Variants in RASSF2 observed in about 807,000 individuals in gnomAD.
RASSF2 encodes Ras association domain family member 2, also known as ras association domain-containing protein 2.
A neutral mutation model predicts 46.3 loss-of-function variants in RASSF2; 34 were observed. The ratio of observed to expected loss-of-function variants is 0.73; its 90% CI spans 0.56 to 0.98. The LOEUF (loss-of-function observed/expected upper bound fraction) is 0.98. Ranked by LOEUF, RASSF2 falls within the 50% of genes least tolerant of loss-of-function variation. RASSF2 has a pLI of 0.00. For synonymous variants in RASSF2, 158 were observed against 162.5 expected, an observed-to-expected ratio of 0.97 and a Z score of 0.21; for missense variants, 364 against 431.2, an observed-to-expected ratio of 0.84 and a Z score of 1.38.
chr20:4,815,290 G>A (rs111441096), intron 2 of RASSF2, among the ~76,000 whole-genome samples: 3,070 of 152,192 alleles, frequency 0.02, 92 homozygotes, highest in African/African-American at 0.069. Context: ...CCATGGCCCC[G>A]ACTGTACACA....
At position 4,792,873 on chromosome 20, in the gene RASSF2, T is replaced by C. The variant is rs1268823209; in HGVS notation, c.288-246A>G. ...GAGTTCCGGAGGGAGAAGATGTTCT[T>C]TTGCAGCAACTGCAGTAACACACCC... is the stretch of plus-strand genomic sequence containing the variant. On this transcript the variant is annotated intron_variant, in intron 5 of 11. Coordinates refer to ENST00000379400, the MANE Select transcript of RASSF2 (RefSeq NM_014737.3). 8 of 689,954 alleles carry C rather than the reference T, an allele frequency of 1.2e-5. No homozygotes were observed. In the Admixed American group the frequency reaches 2.8e-4, roughly 24 times the overall value. The allele number at this position is 689,954 out of a possible 1,614,324, so 42.7% of individuals were successfully genotyped here. A position where few individuals can be genotyped will look rare whatever the true frequency, so the allele number is the denominator to read the frequency against.
In RASSF2 at chr20:4,784,017, TAC is replaced by T. The variant is rs2122383619; in HGVS notation, c.*254_*255del. On this transcript the variant is annotated 3_prime_UTR_variant, in exon 12 of 12. Transcript: ENST00000379400. ...CACGTACCATGTGTGCACACACATG[TAC>T]ACACACACATTTTGGGTCCTCCTTA... is the stretch of plus-strand genomic sequence containing the variant. The T allele has an allele frequency of 2.6e-5, 14 of 535,952 alleles. No individual in the cohort carries two copies. The highest frequency in any genetic ancestry group is 9.5e-5 in the East Asian group (3 of 31,514). 33.2% of individuals were successfully genotyped at this position (535,952 alleles called of 1,614,324 possible). A position where few individuals can be genotyped will look rare whatever the true frequency, so the allele number is the denominator to read the frequency against.
intron 2 of RASSF2, among the ~76,000 whole-genome samples, chr20:4,803,627 C>T (rs1443266765): frequency 3.3e-5 from 5 of 151,550 alleles, no homozygotes; most frequent in Non-Finnish European, 7.4e-5. Context: ...TGTGGTGGCA[C>T]GCACAGGTAG....
At chr20:4,796,814 A>G (rs577337045) in intron 4 of RASSF2, among the ~76,000 whole-genome samples, 172 of 152,386 alleles carry the variant, frequency 1.1e-3, no homozygotes, top group African/African-American at 4.0e-3. Flanking sequence ...AAAATCTTGC[A>G]TGGCCCAGCT....
intron 2 of RASSF2, among the ~76,000 whole-genome samples, chr20:4,810,256 C>T (rs1015466134): frequency 1.3e-5 from 2 of 152,164 alleles, no homozygotes; most frequent in East Asian, 1.9e-4. Flanking sequence ...CCCTTCCTTC[C>T]CACAGATGCC....
chr20:4,820,214 A>C (rs988236719), intron 2 of RASSF2, among the ~76,000 whole-genome samples: 5 of 152,176 alleles, frequency 3.3e-5, no homozygotes, highest in Admixed American at 1.3e-4. Flanking sequence ...ACATTTATAC[A>C]TTCTTCTGGG....
At chr20:4,791,094 C>A (rs145065650) in intron 6 of RASSF2, among the ~76,000 whole-genome samples, 3 of 152,276 alleles carry the variant, frequency 2.0e-5, no homozygotes, top group African/African-American at 7.2e-5. Context: ...AAGCCAATTA[C>A]AAAACAGCAA....
intron 3 of RASSF2, among the ~76,000 whole-genome samples, chr20:4,798,999 C>T (rs1318063240): frequency 1.3e-5 from 2 of 151,956 alleles, no homozygotes; most frequent in Non-Finnish European, 2.9e-5. Flanking sequence ...AGGATATGTG[C>T]TTTTCTTGTG....
intron 2 of RASSF2, among the ~76,000 whole-genome samples, chr20:4,819,878 T>C (rs1450540158): frequency 6.6e-6 from 1 of 152,212 alleles, no homozygotes; most frequent in Non-Finnish European, 1.5e-5. Context: ...TTTTGCCCGT[T>C]CCACAGGAAT....
chr20:4,787,157 C>G (rs1324623812), intron 10 of RASSF2, among the ~76,000 whole-genome samples: 1 of 152,176 alleles, frequency 6.6e-6, no homozygotes, highest in East Asian at 1.9e-4. Flanking sequence ...ATTTCTCTAC[C>G]CTATTAATGC....
intron 9 of RASSF2, 104 bp from the exon 10 acceptor site, chr20:4,787,858 G>C: frequency 7.2e-7 from 1 of 1,397,634 alleles, no homozygotes; most frequent in Non-Finnish European, 1.0e-6. Context: ...CGCCATATAC[G>C]TCAGGAGACT....
chr20:4,784,831 G>A lies in RASSF2; in HGVS notation c.912-489C>T, dbSNP rs189198844. Among the ~76,000 whole-genome samples the A allele has an allele frequency of 3.3e-3, 505 of 152,240 alleles. 11 individuals are homozygous for A. Among genetic ancestry groups the A allele is most frequent in the Non-Finnish European group, 1.5e-3 (101 of 68,024 alleles). On this transcript the variant is annotated intron_variant, in intron 11 of 11. Coordinates refer to ENST00000379400, the MANE Select transcript of RASSF2 (RefSeq NM_014737.3). ...AACCTTATAACAGAACCTGCATTTT[G>A]CAGAAGAGGCCATAGCAGCTACTAG... is the stretch of plus-strand genomic sequence containing the variant.
At chr20:4,822,756 C>T (rs1160891442) in intron 1 of RASSF2, among the ~76,000 whole-genome samples, 1 of 152,230 alleles carries the variant, frequency 6.6e-6, no homozygotes, top group African/African-American at 2.4e-5. Context: ...CAACGGCCCC[C>T]GCGCACCCTG....
At chr20:4,800,873 A>G in intron 3 of RASSF2, 99 bp downstream of exon 3, 1 of 995,546 alleles carries the variant, frequency 1.0e-6, no homozygotes, top group Non-Finnish European at 1.6e-6. Flanking sequence ...CCAGTCTGAT[A>G]TACAGTGGGG....
chr20:4,793,642 T>A (rs560420744), intron 5 of RASSF2, among the ~76,000 whole-genome samples: 1 of 151,976 alleles, frequency 6.6e-6, no homozygotes. Context: ...CCTTATTTTT[T>A]TTTTTTATTT....
intron 3 of RASSF2, among the ~76,000 whole-genome samples, chr20:4,799,112 C>A (rs972502127): frequency 6.6e-6 from 1 of 152,068 alleles, no homozygotes; most frequent in African/African-American, 2.4e-5. Context: ...GGAGTAGTGA[C>A]AAGAAGTGGG....
chr20:4,804,078 T>TAATAA (rs1927136593), intron 2 of RASSF2, among the ~76,000 whole-genome samples: 1 of 151,912 alleles, frequency 6.6e-6, no homozygotes, highest in South Asian at 2.1e-4. Context: ...TTAAATTAAA[T>TAATAA]AATAAAATAA....
intron 2 of RASSF2, among the ~76,000 whole-genome samples, chr20:4,817,874 C>T (rs1426458398): frequency 6.6e-6 from 1 of 152,156 alleles, no homozygotes; most frequent in Non-Finnish European, 1.5e-5. Flanking sequence ...AATGACTCTT[C>T]TGAAAGAGAT....
chr20:4,787,834 A>G, intron 9 of RASSF2, 80 bp from the exon 10 acceptor site: 2 of 1,574,682 alleles, frequency 1.3e-6, no homozygotes, highest in Non-Finnish European at 1.7e-6. Context: ...GTCCAAAGGC[A>G]CCTTAGGAGA....
Sources: gnomAD v4.1 joint callset for allele counts (sites outside exome capture counted in the v4.1 genomes callset) on GRCh38, gnomAD v4.1.1 for gene constraint, MANE v1.5 for transcripts, NCBI Gene and HGNC (gene_info 2026-07-23, HGNC 2026-07-21) for gene names.